Variants in ADD2 observed in about 807,000 individuals in gnomAD.
The protein encoded by ADD2 is adducin 2.
Under a neutral mutation model 83.0 loss-of-function variants are expected in ADD2, and 23 were observed. The observed-to-expected ratio is 0.28, with a 90% CI of 0.20 to 0.39. The LOEUF (loss-of-function observed/expected upper bound fraction) is 0.39. Ranked by LOEUF, ADD2 falls within the 10% of genes least tolerant of loss-of-function variation. The pLI, the probability that ADD2 is intolerant of heterozygous loss-of-function variation, is 1.00. For synonymous variants in ADD2, 375 were observed against 375.4 expected (o/e 1.00, Z 0.01); for missense variants, 758 against 944.9 (o/e 0.80, Z 2.59).
chr2:70,727,684 C>A (rs1422966443), intron 1 of ADD2, among the ~76,000 whole-genome samples: 1 of 152,058 alleles, frequency 6.6e-6, no homozygotes, highest in African/African-American at 2.4e-5. Flanking sequence ...CACTTGCAGT[C>A]AGGAGTTCAA....
chr2:70,683,834 T>G, intron 9 of ADD2, 67 bp from the exon 10 acceptor site: 1 of 1,512,274 alleles, frequency 6.6e-7, no homozygotes, highest in East Asian at 2.3e-5. Flanking sequence ...TCTATGCTCC[T>G]GTATGTGATG....
At chr2:70,700,043 G>T (rs1671510904) in intron 4 of ADD2, among the ~76,000 whole-genome samples, 1 of 152,228 alleles carries the variant, frequency 6.6e-6, no homozygotes, top group African/African-American at 2.4e-5. Context: ...TCAAGACATA[G>T]AAAGCAAAAA....
chr2:70,727,392 T>G (rs1051082511), intron 1 of ADD2, among the ~76,000 whole-genome samples: 1 of 151,528 alleles, frequency 6.6e-6, no homozygotes, highest in Non-Finnish European at 1.5e-5. Context: ...CCTAATTGCC[T>G]CTCCCTCTCC....
At chr2:70,742,832 AGGTCCC>A (rs1673988429) in intron 1 of ADD2, among the ~76,000 whole-genome samples, 1 of 152,196 alleles carries the variant, frequency 6.6e-6, no homozygotes, top group East Asian at 1.9e-4. Flanking sequence ...CCTACAAATG[AGGTCCC>A]TGGCTATACT....
At chr2:70,695,094 G>A (rs1452392883) in intron 6 of ADD2, among the ~76,000 whole-genome samples, 5 of 152,034 alleles carry the variant, frequency 3.3e-5, no homozygotes, top group African/African-American at 1.2e-4. Flanking sequence ...GAGTAGCCGC[G>A]CTCTACACCT....
At chr2:70,760,256 C>G (rs782388644) in intron 1 of ADD2, among the ~76,000 whole-genome samples, 21 of 152,256 alleles carry the variant, frequency 1.4e-4, no homozygotes, top group Non-Finnish European at 2.1e-4. Context: ...GATCTCGGGT[C>G]CCAGCCATGA....
chr2:70,728,239 A>G lies in ADD2; in HGVS notation c.-153-15055T>C, dbSNP rs146075669. Among the ~76,000 whole-genome samples, 4 of 152,294 alleles carry G rather than the reference A, an allele frequency of 2.6e-5. No individual in the cohort carries two copies. The East Asian group carries it at 7.7e-4, about 29-fold the overall frequency. On this transcript the variant is annotated intron_variant, in intron 1 of 15. Coordinates refer to ENST00000264436, the MANE Select transcript of ADD2 (RefSeq NM_001617.4). ...GTCTGGACCTCATAGGCCACGGCCTATATGTGCTCTCTTTCCCATTGCCTT... is the reference window on the plus strand; with the variant it reads ...GTCTGGACCTCATAGGCCACGGCCTGTATGTGCTCTCTTTCCCATTGCCTT...
intron 15 of ADD2, among the ~76,000 whole-genome samples, chr2:70,672,676 A>G (rs1454264476): frequency 9.9e-5 from 15 of 152,224 alleles, no homozygotes; most frequent in African/African-American, 3.6e-4. Context: ...CATTGCTTAT[A>G]CTGGGTTTAA....
At chr2:70,725,919 T>C (rs375347036) in intron 1 of ADD2, among the ~76,000 whole-genome samples, 1 of 151,832 alleles carries the variant, frequency 6.6e-6, no homozygotes, top group South Asian at 2.1e-4. Context: ...ATACTTTGAG[T>C]AGCAAAGTTT....
At chr2:70,727,883 G>A (rs1326601222) in intron 1 of ADD2, among the ~76,000 whole-genome samples, 1 of 146,414 alleles carries the variant, frequency 6.8e-6, no homozygotes, top group Admixed American at 7.1e-5. Context: ...GCGACAGAGG[G>A]AGACTCTGTC....
chr2:70,707,024 T>A (rs112979453), intron 2 of ADD2, among the ~76,000 whole-genome samples: 1 of 152,228 alleles, frequency 6.6e-6, no homozygotes, highest in African/African-American at 2.4e-5. Context: ...GGTGGGAAAT[T>A]CACAAAAGAA....
intron 7 of ADD2, 144 bp downstream of exon 7, chr2:70,692,259 G>T: frequency 4.4e-6 from 4 of 903,024 alleles, no homozygotes; most frequent in South Asian, 4.7e-5. Context: ...AAGATGGAGA[G>T]GCTGGGCGTT....
Position 70,656,809 on chromosome 2 carries a change from C to T in ADD2, c.*6616G>A, listed in dbSNP as rs1675374886. 1 of 152,104 alleles carries T rather than the reference C, an allele frequency of 6.6e-6. No individual in the cohort carries two copies. Among genetic ancestry groups the T allele is most frequent in the African/African-American group, 2.4e-5 (1 of 41,400 alleles). 9.4% of individuals were successfully genotyped at this position (152,104 alleles called of 1,614,324 possible). Reference sequence around the variant, plus strand: ...TGGGAAGCCAAGCACGTTAGATTTACTAGGGTCATGTCTGCAGGTGAGGTA... The same window carrying T: ...TGGGAAGCCAAGCACGTTAGATTTATTAGGGTCATGTCTGCAGGTGAGGTA... On this transcript the variant is annotated 3_prime_UTR_variant, in exon 16 of 16. Transcript: ENST00000264436.
At chr2:70,674,592 G>T in intron 14 of ADD2, 86 bp downstream of exon 14, 1 of 1,363,166 alleles carries the variant, frequency 7.3e-7, no homozygotes, top group Non-Finnish European at 1.0e-6. Context: ...TGATGATGGG[G>T]CAGGAAGGTC....
At chr2:70,722,264 A>C (rs1476256312) in intron 1 of ADD2, among the ~76,000 whole-genome samples, 7 of 152,214 alleles carry the variant, frequency 4.6e-5, no homozygotes, top group Non-Finnish European at 8.8e-5. Context: ...ATTCTAAGAT[A>C]TCTCTGATTG....
intron 4 of ADD2, 43 bp downstream of exon 4, chr2:70,704,278 C>T (rs781806710): frequency 1.4e-6 from 2 of 1,465,596 alleles, no homozygotes; most frequent in East Asian, 2.6e-5. Flanking sequence ...ACCCCACCCT[C>T]CCCTCCACCT....
intron 15 of ADD2, among the ~76,000 whole-genome samples, chr2:70,668,419 A>G (rs77538195): frequency 5.3e-5 from 8 of 152,206 alleles, no homozygotes; most frequent in African/African-American, 1.9e-4. Context: ...CTGACATTGG[A>G]CAATGAGCTC....
intron 2 of ADD2, among the ~76,000 whole-genome samples, chr2:70,712,597 G>C (rs1337831122): frequency 6.6e-6 from 1 of 152,084 alleles, no homozygotes; most frequent in East Asian, 1.9e-4. Context: ...CCATCATTCT[G>C]TCCCAGAACA....
At position 70,706,464 on chromosome 2, in the gene ADD2, A is replaced by G. The variant is rs782309740; in HGVS notation, c.-34-22T>C. 1.9e-6 allele frequency: 3 copies of G among 1,552,906 alleles called. No homozygotes were observed. The highest frequency in any genetic ancestry group is 1.7e-6 in the Non-Finnish European group (2 of 1,151,842). On this transcript the variant is annotated intron_variant, in intron 2 of 15. Coordinates refer to ENST00000264436, the MANE Select transcript of ADD2 (RefSeq NM_001617.4). This position sits in a 1 kb window ranked among gnomAD's most constrained non-coding sequence, Gnocchi z 5.0. ...AACTCTACAGAGAAGGGGAGAGGGT[A>G]TGCGGTCAGGTTGGTGCTCCCCATC...
Sources: gnomAD v4.1 joint callset for allele counts (sites outside exome capture counted in the v4.1 genomes callset) on GRCh38, gnomAD v4.1.1 for gene constraint, Gnocchi (gnomAD v3.1) non-coding constraint, MANE v1.5 for transcripts, NCBI Gene and HGNC (gene_info 2026-07-23, HGNC 2026-07-21) for gene names.